The following CDH23 variants were observed in gnomAD, a reference collection of about 807,000 sequenced individuals.
The protein encoded by CDH23 is cadherin-23.
In CDH23, 189 loss-of-function variants were observed where a neutral mutation model predicts 317.1. The observed-to-expected ratio is 0.60, with a 90% CI of 0.53 to 0.67. The LOEUF is 0.67. Among genes scored for constraint, CDH23 ranks in the 30% least tolerant of loss-of-function variants. CDH23 has a pLI of 0.00. For synonymous variants in CDH23, 1,839 were observed against 1,876.8 expected, an observed-to-expected ratio of 0.98 and a Z score of 0.52; for missense variants, 4,401 against 4,592.4, an observed-to-expected ratio of 0.96 and a Z score of 1.20.
intron 23 of CDH23, 148 bp from the exon 24 acceptor site, chr10:71,702,401 C>T (rs1865624646): frequency 1.7e-6 from 2 of 1,147,190 alleles, no homozygotes; most frequent in Non-Finnish European, 2.5e-6. Flanking sequence ...GGGAGGGGAG[C>T]TGTGAGGCCT....
chr10:71,526,764 A>G (rs1855063067), intron 6 of CDH23, among the ~76,000 whole-genome samples: 1 of 152,248 alleles, frequency 6.6e-6, no homozygotes, highest in Admixed American at 6.5e-5. Context: ...TTTTATAACC[A>G]ATCTATGGCC....
At chr10:71,428,586 C>T (rs1849224027) in intron 1 of CDH23, among the ~76,000 whole-genome samples, 1 of 150,980 alleles carries the variant, frequency 6.6e-6, no homozygotes, top group South Asian at 2.1e-4. Context: ...ATTTGTATAT[C>T]TTCTTCTTTT....
chr10:71,403,454 T>TC (rs1554821156), intron 1 of CDH23, among the ~76,000 whole-genome samples: 4 of 35,258 alleles, frequency 1.1e-4, no homozygotes, highest in African/African-American at 9.0e-4. Flanking sequence ...CCTTCCTTCC[T>TC]TTCCTTCCTT....
At position 71,677,507 on chromosome 10, in the gene CDH23, C is replaced by G. The variant is rs1864422770; in HGVS notation, c.1566C>G (p.Asp522Glu). The part of the protein sequence containing the change: ...TGLIMLIARL[D>E]YELIQRFTLT... ...TCATCATGCTGATTGCCAGGCTGGA[C>G]TATGAGCTCATCCAGCGCTTCACCC... Residue 522 changes from aspartate (D) to glutamate (E), a missense_variant, in exon 16 of 70, where the codon GAC (aspartate) becomes GAG (glutamate). Physicochemically the swap from Asp to Glu is conservative, Grantham distance 45. Transcript: ENST00000224721. 4 of 1,612,240 alleles carry G rather than the reference C, an allele frequency of 2.5e-6. No individual in the cohort carries two copies. The highest frequency in any genetic ancestry group is 3.4e-6 in the Non-Finnish European group (4 of 1,179,432).
intron 1 of CDH23, among the ~76,000 whole-genome samples, chr10:71,413,722 G>A (rs983365918): frequency 2.0e-5 from 3 of 151,764 alleles, no homozygotes; most frequent in Non-Finnish European, 4.4e-5. Context: ...TTTTAGAGAT[G>A]AGGTCTCACT....
intron 38 of CDH23, among the ~76,000 whole-genome samples, chr10:71,764,276 A>G (rs1840474099): frequency 6.6e-6 from 1 of 152,194 alleles, no homozygotes; most frequent in South Asian, 2.1e-4. Flanking sequence ...GCCATAAGGT[A>G]TTGTTTTTAT....
At chr10:71,632,182 C>T (rs1052019100) in intron 11 of CDH23, among the ~76,000 whole-genome samples, 1 of 152,154 alleles carries the variant, frequency 6.6e-6, no homozygotes, top group Admixed American at 6.5e-5. Context: ...CACCCATCCC[C>T]CAAAAAGGAT....
chr10:71,728,708 G>A (rs1290157951), intron 30 of CDH23, among the ~76,000 whole-genome samples: 1 of 152,172 alleles, frequency 6.6e-6, no homozygotes, highest in Non-Finnish European at 1.5e-5. Context: ...ACCGGCCCCA[G>A]CTCTGTTTGG....
intron 3 of CDH23, among the ~76,000 whole-genome samples, chr10:71,490,545 A>G (rs1852596396): frequency 6.6e-6 from 1 of 152,190 alleles, no homozygotes; most frequent in South Asian, 2.1e-4. Context: ...ACATAGGAGG[A>G]AATTGAGGCC....
chr10:71,397,091 G>A lies in CDH23; in HGVS notation c.-233G>A, dbSNP rs1847550835. On this transcript the variant is annotated 5_prime_UTR_variant, in exon 1 of 70. Transcript: ENST00000224721. This position sits in a 1 kb window ranked among gnomAD's most constrained non-coding sequence, Gnocchi z 4.8. ...GGCAGAGCCTCTGGACGTTTGGGGC[G>A]CGCCCAGTCCGAGCCCCCGGCGCGC... is the stretch of plus-strand genomic sequence containing the variant. 2 of 169,008 alleles carry A rather than the reference G, an allele frequency of 1.2e-5. No individual in the cohort carries two copies. Among genetic ancestry groups the A allele is most frequent in the Non-Finnish European group, 1.3e-5 (1 of 79,474 alleles). 10.5% of individuals were successfully genotyped at this position (169,008 alleles called of 1,614,324 possible).
intron 14 of CDH23, among the ~76,000 whole-genome samples, chr10:71,656,915 G>C (rs184523073): frequency 6.6e-6 from 1 of 152,150 alleles, no homozygotes. Context: ...GAGAATAGGC[G>C]GGGGGTAGGG....
At chr10:71,453,305 C>A (rs1850536576) in intron 3 of CDH23, among the ~76,000 whole-genome samples, 1 of 152,274 alleles carries the variant, frequency 6.6e-6, no homozygotes, top group African/African-American at 2.4e-5. Context: ...CAATGCCCAG[C>A]TGTTTCTTCT....
chr10:71,554,200 T>A (rs1386520797), intron 6 of CDH23, among the ~76,000 whole-genome samples: 2 of 152,214 alleles, frequency 1.3e-5, no homozygotes, highest in East Asian at 3.9e-4. Flanking sequence ...TGTCGGATTT[T>A]TGTTTTTCAT....
chr10:71,665,269 C>T (rs1863837123), intron 14 of CDH23, among the ~76,000 whole-genome samples: 1 of 152,194 alleles, frequency 6.6e-6, no homozygotes, highest in African/African-American at 2.4e-5. Context: ...AGATTCCAAA[C>T]ATACCTGGAG....
chr10:71,765,021 T>G (rs1840498770), intron 38 of CDH23, among the ~76,000 whole-genome samples: 1 of 152,098 alleles, frequency 6.6e-6, no homozygotes, highest in African/African-American at 2.4e-5. Context: ...CTGAGTGGGG[T>G]GGGTGTAGCT....
chr10:71,778,242 C>T lies in CDH23; in HGVS notation c.5121C>T (p.Tyr1707=), dbSNP rs1589416283. 1.9e-6 allele frequency: 3 copies of T among 1,613,928 alleles called. No individual in the cohort carries two copies. Among genetic ancestry groups the T allele is most frequent in the Non-Finnish European group, 2.5e-6 (3 of 1,179,848 alleles). Residue 1707 remains tyrosine, a synonymous_variant, in exon 40 of 70, where the codon TAC becomes TAT. Coordinates refer to ENST00000224721, the MANE Select transcript of CDH23 (RefSeq NM_022124.6). ...ACTACGAGATCAGCCACGGCCGCTA[C>T]ACCCTGATCGTCACTGCCACAGACC... ...ELDYEISHGR[Y]TLIVTATDQC...
intron 1 of CDH23, among the ~76,000 whole-genome samples, chr10:71,426,414 G>A (rs898220620): frequency 1.3e-5 from 2 of 152,180 alleles, no homozygotes; most frequent in African/African-American, 4.8e-5. Flanking sequence ...GACAGGGAAG[G>A]CAGCCTCTGT....
chr10:71,405,434 T>TTC (rs1180716095), intron 1 of CDH23, among the ~76,000 whole-genome samples: 10 of 113,412 alleles, frequency 8.8e-5, no homozygotes, highest in Non-Finnish European at 1.9e-4. Flanking sequence ...TAGACTATCT[T>TTC]TTTTTTTTTT....
intron 1 of CDH23, among the ~76,000 whole-genome samples, chr10:71,421,852 C>T (rs550342966): frequency 2.0e-5 from 3 of 148,832 alleles, no homozygotes; most frequent in Non-Finnish European, 4.5e-5. Flanking sequence ...GTGTGTGTGT[C>T]TGAATGGGGG....
Sources: allele counts gnomAD v4.1 joint callset (sites outside exome capture counted in the v4.1 genomes callset), GRCh38; gene constraint gnomAD v4.1.1; non-coding constraint Gnocchi (gnomAD v3.1); transcripts MANE v1.5; gene names NCBI Gene and HGNC (gene_info 2026-07-23, HGNC 2026-07-21).